TBC1D22A: variants seen among roughly 807,000 people sequenced by gnomAD.
TBC1D22A encodes putative GTPase activator.
A neutral mutation model predicts 60.2 loss-of-function variants in TBC1D22A; 38 were observed. The ratio of observed to expected loss-of-function variants is 0.63; its 90% CI spans 0.49 to 0.83. TBC1D22A has a LOEUF of 0.83. TBC1D22A is among the 40% of genes least tolerant of loss of function. The pLI is 0.00. For synonymous variants in TBC1D22A, 302 were observed against 281.7 expected (o/e 1.07, Z -0.72); for missense variants, 628 against 701.0 (o/e 0.90, Z 1.18).
chr22:47,063,526 C>G (rs2063653055), intron 11 of TBC1D22A, among the ~76,000 whole-genome samples: 1 of 152,100 alleles, frequency 6.6e-6, no homozygotes, highest in African/African-American at 2.4e-5. Context: ...GTACTACCAG[C>G]CTCGTGCCTG....
intron 4 of TBC1D22A, among the ~76,000 whole-genome samples, chr22:46,802,098 T>C (rs2084923361): frequency 1.3e-5 from 2 of 152,154 alleles, no homozygotes; most frequent in South Asian, 4.1e-4. Flanking sequence ...TCGTCAGCTG[T>C]AGAGGGAGCA....
intron 8 of TBC1D22A, among the ~76,000 whole-genome samples, chr22:46,926,784 A>G (rs988485134): frequency 1.3e-5 from 2 of 152,208 alleles, no homozygotes; most frequent in Non-Finnish European, 2.9e-5. Context: ...AGCCTACCCT[A>G]CATATTTCAG....
rs534662338 is a variant in TBC1D22A at position 47,081,258 on chromosome 22, T to C, written c.1330-30250T>C. ...AATAAAGGGGAAAACCATATGACCA[T>C]GTCAATAGATGCAGAAATAGCATTT... On this transcript the variant is annotated intron_variant, in intron 11 of 12. Coordinates refer to ENST00000337137, the MANE Select transcript of TBC1D22A (RefSeq NM_014346.5). Among the ~76,000 whole-genome samples the C allele has an allele frequency of 6.6e-5, 10 of 152,240 alleles. No homozygotes were observed. In the East Asian group the frequency reaches 1.2e-3, roughly 18 times the overall value.
chr22:47,061,141 C>T (rs540792722), intron 11 of TBC1D22A, among the ~76,000 whole-genome samples: 3 of 150,152 alleles, frequency 2.0e-5, no homozygotes, highest in Non-Finnish European at 3.0e-5. Flanking sequence ...GGTTGAGCCA[C>T]GCTGTCTTCC....
intron 12 of TBC1D22A, among the ~76,000 whole-genome samples, chr22:47,157,073 G>A (rs1457345257): frequency 6.6e-6 from 1 of 152,236 alleles, no homozygotes; most frequent in African/African-American, 2.4e-5. Flanking sequence ...GTGTGCAGGT[G>A]ATGCAGGATG....
chr22:47,133,414 C>T (rs897571379), intron 12 of TBC1D22A, among the ~76,000 whole-genome samples: 10 of 152,294 alleles, frequency 6.6e-5, no homozygotes, highest in Admixed American at 2.0e-4. Context: ...GCGGAGGCAG[C>T]CCCAGTACCA....
At chr22:46,887,873 G>A (rs1352435158) in intron 5 of TBC1D22A, among the ~76,000 whole-genome samples, 2 of 152,192 alleles carry the variant, frequency 1.3e-5, no homozygotes, top group African/African-American at 4.8e-5. Context: ...GTTAACATGA[G>A]TGTGCCTGAG....
intron 11 of TBC1D22A, among the ~76,000 whole-genome samples, chr22:47,090,926 CACGGAGGGGGTGGCT>C (rs1569436622): frequency 2.2e-4 from 25 of 113,864 alleles, no homozygotes; most frequent in African/African-American, 8.4e-4. Context: ...GGTGTGGCCT[CACGGAGGGGGTGGCT>C]GCGTGTTGAT....
chr22:47,029,237 G>T (rs1164561982), intron 10 of TBC1D22A, among the ~76,000 whole-genome samples: 1 of 148,430 alleles, frequency 6.7e-6, no homozygotes, highest in Non-Finnish European at 1.5e-5. Flanking sequence ...ATGGGCCCAG[G>T]GACACAGCGC....
intron 4 of TBC1D22A, among the ~76,000 whole-genome samples, chr22:46,832,694 T>C (rs2086363020): frequency 6.6e-6 from 1 of 152,236 alleles, no homozygotes; most frequent in South Asian, 2.1e-4. Context: ...AATATTTTAA[T>C]AAAAATATGT....
Position 46,891,364 on chromosome 22 carries a change from C to G in TBC1D22A, c.807C>G (p.Asn269Lys). 1 of 1,612,476 alleles carries G rather than the reference C, an allele frequency of 6.2e-7. No homozygotes were observed. The highest frequency in any genetic ancestry group is 1.1e-5 in the South Asian group (1 of 90,676). Reference sequence around the variant, plus strand: ...TTGAGCACTATTACGATTCTAGGAACGACGAAGTTCACCAGGACACATACA... The same window carrying G: ...TTGAGCACTATTACGATTCTAGGAAGGACGAAGTTCACCAGGACACATACA... The part of the protein sequence containing the change: ...AFIEHYYDSR[N>K]DEVHQDTYRQ... The change falls in exon 6 of 13, where the codon AAC (asparagine) becomes AAG (lysine). Residue 269 changes from asparagine (N) to lysine (K), a missense_variant. Coordinates refer to ENST00000337137, the MANE Select transcript of TBC1D22A (RefSeq NM_014346.5).
rs1352142211 is a variant in TBC1D22A at position 47,078,209 on chromosome 22, C to T, written c.1330-33299C>T. Among the ~76,000 whole-genome samples, 16 of 152,258 alleles carry T rather than the reference C, an allele frequency of 1.1e-4. No homozygotes were observed. The East Asian group carries it at 1.7e-3, about 17-fold the overall frequency. ...ACTTGGTAAAAGTATGTGGCAGTGC[C>T]GTGGAGAGAAACAGGGAGAAGCCTG... On this transcript the variant is annotated intron_variant, in intron 11 of 12. Transcript: ENST00000337137.
intron 12 of TBC1D22A, among the ~76,000 whole-genome samples, chr22:47,155,327 G>A (rs113628227): frequency 0.032 from 4,939 of 152,278 alleles, 236 homozygotes; most frequent in African/African-American, 0.11. Context: ...TCCTCCCGGC[G>A]GGCTGGCCAG....
intron 10 of TBC1D22A, among the ~76,000 whole-genome samples, chr22:47,026,052 T>G (rs1012579395): frequency 3.9e-5 from 6 of 152,250 alleles, no homozygotes; most frequent in African/African-American, 1.4e-4. Flanking sequence ...GATGTAGGGT[T>G]TATCCTAGAA....
chr22:46,829,185 C>G (rs1418185811), intron 4 of TBC1D22A, among the ~76,000 whole-genome samples: 1 of 152,162 alleles, frequency 6.6e-6, no homozygotes, highest in African/African-American at 2.4e-5. Flanking sequence ...TCTGTCCTTA[C>G]AAAATTAATT....
chr22:46,926,272 C>T, intron 8 of TBC1D22A, among the ~76,000 whole-genome samples: 1 of 151,758 alleles, frequency 6.6e-6, no homozygotes, highest in Admixed American at 6.6e-5. Context: ...TAAAATAAAG[C>T]CAAAACAAAC....
intron 10 of TBC1D22A, among the ~76,000 whole-genome samples, chr22:47,007,353 C>T (rs1412682860): frequency 1.3e-5 from 2 of 152,138 alleles, no homozygotes; most frequent in East Asian, 1.9e-4. Flanking sequence ...CTGGGAACCA[C>T]GCAGATGAAA....
chr22:47,043,514 T>A (rs2062920193), intron 11 of TBC1D22A, among the ~76,000 whole-genome samples: 1 of 152,174 alleles, frequency 6.6e-6, no homozygotes, highest in African/African-American at 2.4e-5. Flanking sequence ...CCACCTGCAA[T>A]TTCGCAGCCC....
At chr22:46,881,856 C>A (rs1029973387) in intron 5 of TBC1D22A, among the ~76,000 whole-genome samples, 3 of 152,212 alleles carry the variant, frequency 2.0e-5, no homozygotes, top group African/African-American at 7.2e-5. Context: ...CCATCCAGCT[C>A]CCCAGGCAGT....
Sources: gnomAD v4.1 joint callset for allele counts (sites outside exome capture counted in the v4.1 genomes callset) on GRCh38, gnomAD v4.1.1 for gene constraint, MANE v1.5 for transcripts, NCBI Gene and HGNC (gene_info 2026-07-23, HGNC 2026-07-21) for gene names.